HNRNPH1: variants seen among roughly 807,000 people sequenced by gnomAD.
HNRNPH1 encodes heterogeneous nuclear ribonucleoprotein H.
In HNRNPH1, 4 loss-of-function variants were observed where a neutral mutation model predicts 58.6. The ratio of observed to expected loss-of-function variants is 0.07; its 90% confidence interval spans 0.03 to 0.16. The LOEUF (loss-of-function observed/expected upper bound fraction) is 0.16, where lower values mean the gene tolerates loss of function less well. Ranked by LOEUF, HNRNPH1 falls within the 10% of genes least tolerant of loss-of-function variation. The pLI is 1.00. For missense variants in HNRNPH1, 271 were observed against 564.2 expected (o/e 0.48, Z 5.26); for synonymous variants, 192 against 189.2 (o/e 1.01, Z -0.12).
chr5:179,632,271 G>A (rs11740867), intron 2 of HNRNPH1, among the ~76,000 whole-genome samples: 5 of 150,586 alleles, frequency 3.3e-5, no homozygotes, highest in African/African-American at 1.2e-4. Flanking sequence ...TCCCGCCACC[G>A]CACTCCAGCC....
chr5:179,617,915 A>G (rs1485953423), exon 7 of HNRNPH1: 2 of 1,613,996 alleles, frequency 1.2e-6, no homozygotes, highest in East Asian at 2.2e-5. Flanking sequence ...GACATTCCTG[A>G]AAAACAGTAA....
At chr5:179,619,609 T>C (rs1050320314) in intron 3 of HNRNPH1, 6 of 404,744 alleles carry the variant, frequency 1.5e-5, no homozygotes, top group East Asian at 3.8e-5. Context: ...AACACACCCA[T>C]GGTACAGTAT....
At chr5:179,618,376 C>A (rs1770780611) in intron 4 of HNRNPH1, 53 bp from the exon 6 acceptor site, 4 of 1,220,758 alleles carry the variant, frequency 3.3e-6, no homozygotes, top group African/African-American at 1.5e-5. Flanking sequence ...AACATTAGTT[C>A]ATTTTATACA....
intron 2 of HNRNPH1, among the ~76,000 whole-genome samples, chr5:179,633,313 TTTGA>T (rs1259797193): frequency 7.0e-6 from 1 of 142,048 alleles, no homozygotes; most frequent in African/African-American, 2.5e-5. Flanking sequence ...TGTTTGTTTG[TTTGA>T]GACAGTCTCA....
At chr5:179,624,386 G>A (rs1341766712) in exon 1 of HNRNPH1, 1 of 396,688 alleles carries the variant, frequency 2.5e-6, no homozygotes, top group Non-Finnish European at 4.4e-6. Context: ...CCTGTACCCA[G>A]CTTTTGCCTA....
At chr5:179,629,216 G>A (rs13182022), upstream of HNRNPH1, 9,741 of 151,032 alleles carry the variant, frequency 0.064, 408 homozygotes, top group South Asian at 0.11. Context: ...AGAATGGCTC[G>A]AACCCGGGAG....
intron 4 of HNRNPH1, chr5:179,618,535 AACTC>A (rs1770868722): frequency 4.7e-6 from 2 of 421,872 alleles, no homozygotes; most frequent in Admixed American, 4.0e-5. Context: ...AAAAAAAAAA[AACTC>A]ACTCCTCTGA....
chr5:179,618,400 A>C, intron 4 of HNRNPH1, 77 bp from the exon 6 acceptor site: 1 of 984,686 alleles, frequency 1.0e-6, no homozygotes, highest in Non-Finnish European at 1.5e-6. Flanking sequence ...ATTTAGTTAT[A>C]CAAGAAAACA....
upstream of HNRNPH1, among the ~76,000 whole-genome samples, chr5:179,626,391 C>T (rs1432059191): frequency 6.6e-6 from 1 of 151,840 alleles, no homozygotes; most frequent in Non-Finnish European, 1.5e-5. Context: ...AAGCATGAGC[C>T]ACCATGCTCG....
chr5:179,631,755 T>A (rs1365371392), intron 2 of HNRNPH1, among the ~76,000 whole-genome samples: 6 of 149,660 alleles, frequency 4.0e-5, no homozygotes, highest in Non-Finnish European at 8.9e-5. Flanking sequence ...AAAAAAAAAT[T>A]TTTTTTTTAA....
chr5:179,617,595 T>C (rs1222275755), exon 8 of HNRNPH1: 1 of 1,614,058 alleles, frequency 6.2e-7, no homozygotes, highest in Non-Finnish European at 8.5e-7. Flanking sequence ...CCAGTTACTC[T>C]GCCATCAGGA....
In HNRNPH1 at chr5:179,617,503, A is replaced by G. The variant is rs1156245532; in HGVS notation, c.1057+11T>C. The G allele has an allele frequency of 6.2e-7, 1 of 1,611,912 alleles. No homozygotes were observed. The highest frequency in any genetic ancestry group is 8.5e-7 in the Non-Finnish European group (1 of 1,179,474). On this transcript the variant is annotated intron_variant, in intron 8 of 12. Coordinates refer to ENST00000356731, the Ensembl canonical transcript of HNRNPH1. ...CCTGTTAAGAGCCCACAAATGCTCAATCACACTTACGCATATTTGCTTTGT... is the reference window on the plus strand; with the variant it reads ...CCTGTTAAGAGCCCACAAATGCTCAGTCACACTTACGCATATTTGCTTTGT...
chr5:179,627,259 A>G (rs1022396144), upstream of HNRNPH1, among the ~76,000 whole-genome samples: 1 of 151,974 alleles, frequency 6.6e-6, no homozygotes, highest in Admixed American at 6.6e-5. Flanking sequence ...TGACACAATC[A>G]TAACTCACTG....
upstream of HNRNPH1, chr5:179,629,092 T>C (rs1170455624): frequency 3.4e-5 from 5 of 148,362 alleles, no homozygotes; most frequent in South Asian, 6.5e-4. Flanking sequence ...GGTCAGCAGA[T>C]CGAGACCATC....
chr5:179,616,382 C>A (rs1479423160), intron 10 of HNRNPH1, 164 bp from the exon 12 acceptor site: 1 of 629,808 alleles, frequency 1.6e-6, no homozygotes, highest in Non-Finnish European at 2.8e-6. Flanking sequence ...ACCCTTCTAT[C>A]CATCATTTGA....
chr5:179,614,784 G>GAAAAAAAAAAAAAAAAAA, exon 13 of HNRNPH1: 2 of 444,358 alleles, frequency 4.5e-6, no homozygotes, highest in East Asian at 5.0e-5. Context: ...TTTTCTTAAA[G>GAAAAAAAAAAAAAAAAAA]AAAAAAAAAA....
At chr5:179,618,213 C>T in exon 5 of HNRNPH1, 3 of 1,614,190 alleles carry the variant, frequency 1.9e-6, no homozygotes, top group Non-Finnish European at 2.5e-6. Context: ...ATACCCTCTA[C>T]CAGCCCCAGG....
chr5:179,615,738 A>G (rs556127536), intron 11 of HNRNPH1, 143 bp from the exon 13 acceptor site: 1 of 544,290 alleles, frequency 1.8e-6, no homozygotes, highest in Non-Finnish European at 3.3e-6. Context: ...TACTATTTCA[A>G]ATTCTCCCTC....
chr5:179,632,530 C>A (rs1463361874), intron 2 of HNRNPH1, among the ~76,000 whole-genome samples: 1 of 152,202 alleles, frequency 6.6e-6, no homozygotes, highest in African/African-American at 2.4e-5. Flanking sequence ...GATTCAGACA[C>A]CATGAGCGGC....
Sources: allele counts gnomAD v4.1 joint callset (sites outside exome capture counted in the v4.1 genomes callset), GRCh38; gene constraint gnomAD v4.1.1; transcripts MANE v1.5; gene names NCBI Gene and HGNC (gene_info 2026-07-23, HGNC 2026-07-21).